BTBD7: variants seen among roughly 807,000 people sequenced by gnomAD.
BTBD7 encodes the protein BTB/POZ domain-containing protein 7.
BTBD7 carries 38 observed loss-of-function variants against 99.9 expected under a neutral mutation model. The ratio of observed to expected loss-of-function variants is 0.38; its 90% CI spans 0.29 to 0.50. The LOEUF is 0.50. Among genes scored for constraint, BTBD7 ranks in the 20% least tolerant of loss-of-function variants. The pLI, the probability that BTBD7 is intolerant of heterozygous loss-of-function variation, is 0.93. For synonymous variants in BTBD7, 520 were observed against 511.4 expected, an observed-to-expected ratio of 1.02 and a Z score of -0.23; for missense variants, 1,170 against 1,394.6, an observed-to-expected ratio of 0.84 and a Z score of 2.57.
At chr14:93,264,378 C>T (rs2052520449) in intron 3 of BTBD7, among the ~76,000 whole-genome samples, 1 of 152,210 alleles carries the variant, frequency 6.6e-6, no homozygotes, top group Non-Finnish European at 1.5e-5. Flanking sequence ...TGACACCTGA[C>T]TGATGAGAGA....
chr14:93,326,187 C>CTG (rs1423527833), intron 1 of BTBD7, among the ~76,000 whole-genome samples: 1 of 152,212 alleles, frequency 6.6e-6, no homozygotes, highest in Non-Finnish European at 1.5e-5. Flanking sequence ...TATGCCTCAG[C>CTG]TGGGCATGGT....
At chr14:93,277,667 A>G (rs1298046388) in intron 3 of BTBD7, among the ~76,000 whole-genome samples, 1 of 152,186 alleles carries the variant, frequency 6.6e-6, no homozygotes, top group Non-Finnish European at 1.5e-5. Flanking sequence ...CTCTTAGTCC[A>G]TTGCTTACCT....
At chr14:93,299,531 G>C (rs2052968071) in intron 1 of BTBD7, among the ~76,000 whole-genome samples, 1 of 152,080 alleles carries the variant, frequency 6.6e-6, no homozygotes, top group South Asian at 2.1e-4. Context: ...TATGCAAAAG[G>C]CTGATGAATC....
intron 3 of BTBD7, among the ~76,000 whole-genome samples, chr14:93,281,629 TTAAG>T (rs1305042183): frequency 2.0e-5 from 3 of 152,220 alleles, no homozygotes; most frequent in African/African-American, 4.8e-5. Flanking sequence ...CCAAGGTTTA[TTAAG>T]TATGAAAAAA....
chr14:93,244,150 G>C, intron 10 of BTBD7: 1 of 474,848 alleles, frequency 2.1e-6, no homozygotes, highest in East Asian at 6.1e-5. Flanking sequence ...GAGTGACTAT[G>C]GTGGGCAGAC....
At chr14:93,316,949 C>T (rs145996548) in intron 1 of BTBD7, among the ~76,000 whole-genome samples, 38 of 152,308 alleles carry the variant, frequency 2.5e-4, no homozygotes, top group African/African-American at 8.9e-4. Flanking sequence ...GTCACCAAGT[C>T]ATGCACATTC....
At chr14:93,251,776 A>G (rs758187043) in intron 7 of BTBD7, 124 bp from the exon 8 acceptor site, 16 of 909,388 alleles carry the variant, frequency 1.8e-5, no homozygotes, top group Middle Eastern at 7.5e-4. Flanking sequence ...TATAAATGTT[A>G]ACATTAGTGG....
Position 93,294,465 on chromosome 14 carries a change from G to A in BTBD7, c.555C>T (p.Ile185=), listed in dbSNP as rs776692309. ...PEYGAEIIMD[I]NTAGIDMPMF... Reference sequence around the variant, plus strand: ...TGGGCATATCAATACCAGCTGTATTGATGTCCATTATTATCTCTGCCCCAT... The same window carrying A: ...TGGGCATATCAATACCAGCTGTATTAATGTCCATTATTATCTCTGCCCCAT... The change falls in exon 3 of 11, where the codon ATC becomes ATT. Residue 185 remains isoleucine (I), a synonymous_variant. Coordinates refer to ENST00000334746, the MANE Select transcript of BTBD7 (RefSeq NM_001002860.4). 1 of 1,614,068 alleles carries A rather than the reference G, an allele frequency of 6.2e-7. No individual in the cohort carries two copies. The highest frequency in any genetic ancestry group is 1.1e-5 in the South Asian group (1 of 91,084).
At chr14:93,295,468 A>G (rs1318599094) in intron 2 of BTBD7, among the ~76,000 whole-genome samples, 1 of 152,096 alleles carries the variant, frequency 6.6e-6, no homozygotes, top group Non-Finnish European at 1.5e-5. Context: ...GGACAAACAG[A>G]GCAAATTAGT....
chr14:93,271,776 G>A (rs1456212885), intron 3 of BTBD7, among the ~76,000 whole-genome samples: 2 of 152,064 alleles, frequency 1.3e-5, no homozygotes, highest in Admixed American at 6.5e-5. Context: ...AGGCCAAGAC[G>A]GGCGGATCGT....
intron 10 of BTBD7, among the ~76,000 whole-genome samples, chr14:93,243,835 AAAG>A (rs1335625246): frequency 1.3e-5 from 2 of 152,236 alleles, no homozygotes; most frequent in African/African-American, 4.8e-5. Flanking sequence ...TTTAAAATAT[AAAG>A]TAGTAGAACT....
chr14:93,277,994 T>G (rs1389916393), intron 3 of BTBD7, among the ~76,000 whole-genome samples: 1 of 152,270 alleles, frequency 6.6e-6, no homozygotes, highest in Non-Finnish European at 1.5e-5. Context: ...GCTAGTCATT[T>G]ACACCTGTAT....
intron 6 of BTBD7, 59 bp downstream of exon 6, chr14:93,257,136 A>C: frequency 6.5e-7 from 1 of 1,539,196 alleles, no homozygotes; most frequent in Non-Finnish European, 8.9e-7. Context: ...ACAATGAATA[A>C]AAACATACAC....
intron 1 of BTBD7, among the ~76,000 whole-genome samples, chr14:93,297,286 G>A (rs748796779): frequency 6.6e-6 from 1 of 152,160 alleles, no homozygotes; most frequent in South Asian, 2.1e-4. Context: ...GTTAACATTT[G>A]TGTTTTCCTA....
chr14:93,299,199 T>A (rs1188337653), intron 1 of BTBD7, among the ~76,000 whole-genome samples: 1 of 152,224 alleles, frequency 6.6e-6, no homozygotes, highest in Non-Finnish European at 1.5e-5. Flanking sequence ...TAACCCTGAC[T>A]ACAGTTCTAG....
intron 1 of BTBD7, among the ~76,000 whole-genome samples, chr14:93,309,817 CTAT>C (rs1168777337): frequency 6.6e-6 from 1 of 152,138 alleles, no homozygotes; most frequent in Admixed American, 6.5e-5. Flanking sequence ...TCATCCCTTC[CTAT>C]TACTTGTTTT....
intron 3 of BTBD7, among the ~76,000 whole-genome samples, chr14:93,275,870 T>C (rs1401282140): frequency 2.0e-5 from 3 of 152,222 alleles, no homozygotes; most frequent in Non-Finnish European, 4.4e-5. Flanking sequence ...CATTATGTGG[T>C]ACATGACCAT....
At chr14:93,328,757 A>G (rs1171970519) in intron 1 of BTBD7, among the ~76,000 whole-genome samples, 1 of 152,028 alleles carries the variant, frequency 6.6e-6, no homozygotes, top group Non-Finnish European at 1.5e-5. Context: ...CTCCTCAGAA[A>G]ATTTTAAAAA....
intron 10 of BTBD7, among the ~76,000 whole-genome samples, chr14:93,244,987 G>A (rs2052287241): frequency 6.6e-6 from 1 of 150,390 alleles, no homozygotes; most frequent in African/African-American, 2.5e-5. Flanking sequence ...AGCCCCATGA[G>A]TAGCTGGGAC....
Sources: allele counts gnomAD v4.1 joint callset (sites outside exome capture counted in the v4.1 genomes callset), GRCh38; gene constraint gnomAD v4.1.1; transcripts MANE v1.5; gene names NCBI Gene and HGNC (gene_info 2026-07-23, HGNC 2026-07-21).